TRPM3: variants seen among roughly 807,000 people sequenced by gnomAD.
TRPM3 encodes the protein long transient receptor potential channel 3.
TRPM3 carries 77 observed loss-of-function variants against 181.2 expected under a neutral mutation model. The ratio of observed to expected loss-of-function variants is 0.42; its 90% CI spans 0.35 to 0.51. The LOEUF is 0.51. TRPM3 is among the 20% of genes least tolerant of loss of function. TRPM3 has a pLI of 0.01. For synonymous variants in TRPM3, 745 were observed against 796.4 expected, an observed-to-expected ratio of 0.94 and a Z score of 1.09; for missense variants, 1,759 against 2,196.7, an observed-to-expected ratio of 0.80 and a Z score of 3.98.
At chr9:71,103,094 G>T (rs2068707448) in intron 1 of TRPM3, among the ~76,000 whole-genome samples, 1 of 151,918 alleles carries the variant, frequency 6.6e-6, no homozygotes, top group South Asian at 2.1e-4. Flanking sequence ...AATCCTTTTT[G>T]GCATAAGATT....
intron 1 of TRPM3, among the ~76,000 whole-genome samples, chr9:71,231,734 C>CAG: frequency 6.6e-6 from 1 of 152,110 alleles, no homozygotes; most frequent in Non-Finnish European, 1.5e-5. Context: ...AACACTGGGT[C>CAG]AACACGGACA....
chr9:71,373,558 C>T (rs1053239511), intron 1 of TRPM3, among the ~76,000 whole-genome samples: 7 of 152,128 alleles, frequency 4.6e-5, no homozygotes, highest in African/African-American at 1.7e-4. Flanking sequence ...GACGCATACA[C>T]CCTCCCATGA....
chr9:70,658,241 T>G (rs2060637739), intron 9 of TRPM3, among the ~76,000 whole-genome samples: 1 of 152,148 alleles, frequency 6.6e-6, no homozygotes, highest in African/African-American at 2.4e-5. Context: ...AATCCTTGAG[T>G]TATCACTTTG....
Position 71,113,258 on chromosome 9 carries a change from G to C in TRPM3, c.177+7920C>G, listed in dbSNP as rs546472027. Among the ~76,000 whole-genome samples, 6 of 152,234 alleles carry C rather than the reference G, an allele frequency of 3.9e-5. No homozygotes were observed. The South Asian group carries it at 6.2e-4, about 16-fold the overall frequency. On this transcript the variant is annotated intron_variant, in intron 1 of 25. Coordinates refer to ENST00000677713, the MANE Select transcript of TRPM3 (RefSeq NM_001366145.2). ...TTTGGGAACTAGGAATAGACAGAAGGGGGTGGAACAGAGATATATTTATGA... is the reference window on the plus strand; with the variant it reads ...TTTGGGAACTAGGAATAGACAGAAGCGGGTGGAACAGAGATATATTTATGA...
intron 7 of TRPM3, among the ~76,000 whole-genome samples, chr9:70,783,309 A>G (rs1267602121): frequency 6.6e-6 from 1 of 152,116 alleles, no homozygotes; most frequent in Non-Finnish European, 1.5e-5. Context: ...AATTGATTGG[A>G]TTAGGAAGTT....
At position 71,144,755 on chromosome 9, in the gene TRPM3, G is replaced by A. The variant is rs570536991; in HGVS notation, c.184-280244C>T. 5.9e-5 allele frequency among the ~76,000 whole-genome samples: 9 copies of A among 152,280 alleles called. No individual in the cohort carries two copies. The South Asian group carries it at 8.3e-4, about 14-fold the overall frequency. The stretch of plus-strand genomic sequence containing the variant: ...GGCAGTTTAAACTGTGCCCTTTGGC[G>A]ATAAAATGTCATTAAGAGAAAATAT... On this transcript the variant is annotated intron_variant, in intron 1 of 24. Transcript: ENST00000357533.
chr9:71,044,457 T>G (rs1373142948), intron 1 of TRPM3, among the ~76,000 whole-genome samples: 2 of 152,252 alleles, frequency 1.3e-5, no homozygotes, highest in Non-Finnish European at 2.9e-5. Flanking sequence ...AATTTTCTTG[T>G]ATGTTCAGCT....
intron 8 of TRPM3, among the ~76,000 whole-genome samples, chr9:70,757,277 A>G (rs1391879259): frequency 6.6e-6 from 1 of 152,188 alleles, no homozygotes; most frequent in Non-Finnish European, 1.5e-5. Flanking sequence ...TCCCAAGACT[A>G]AACCAGGAAG....
chr9:71,098,696 G>T (rs1458623674), intron 1 of TRPM3, among the ~76,000 whole-genome samples: 2 of 152,102 alleles, frequency 1.3e-5, no homozygotes, highest in Non-Finnish European at 1.5e-5. Flanking sequence ...GACCACACTG[G>T]CCTGGAAGTG....
chr9:70,686,876 A>T (rs1321362240), intron 8 of TRPM3, among the ~76,000 whole-genome samples: 1 of 128,554 alleles, frequency 7.8e-6, no homozygotes, highest in East Asian at 2.3e-4. Context: ...CCCAGGCTGG[A>T]GTGCATGATC....
chr9:70,542,177 G>A (rs2043549690), intron 25 of TRPM3, among the ~76,000 whole-genome samples: 1 of 152,058 alleles, frequency 6.6e-6, no homozygotes, highest in Admixed American at 6.6e-5. Context: ...ACAGGCCTGA[G>A]GTATATACCA....
intron 8 of TRPM3, among the ~76,000 whole-genome samples, chr9:70,752,315 T>C (rs1437240919): frequency 3.9e-5 from 6 of 152,144 alleles, no homozygotes; most frequent in African/African-American, 1.4e-4. Flanking sequence ...TTATGCGACA[T>C]AAGGATGGAC....
At chr9:70,767,170 C>T (rs141987778) in intron 7 of TRPM3, among the ~76,000 whole-genome samples, 251 of 152,276 alleles carry the variant, frequency 1.6e-3, no homozygotes, top group Non-Finnish European at 2.8e-3. Context: ...CTGGTGAGTC[C>T]GGTGGTGTAA....
intron 1 of TRPM3, among the ~76,000 whole-genome samples, chr9:71,304,527 A>G (rs988039720): frequency 2.0e-5 from 3 of 152,218 alleles, no homozygotes; most frequent in African/African-American, 4.8e-5. Context: ...CCTAGCATCT[A>G]TTGTAAGGGT....
At chr9:70,828,817 T>G (rs1396311085) in intron 5 of TRPM3, among the ~76,000 whole-genome samples, 1 of 152,128 alleles carries the variant, frequency 6.6e-6, no homozygotes, top group Non-Finnish European at 1.5e-5. Context: ...GTGTTCATTT[T>G]GTAGGCGAAG....
chr9:70,920,494 A>G (rs905060214), intron 1 of TRPM3, among the ~76,000 whole-genome samples: 1 of 152,166 alleles, frequency 6.6e-6, no homozygotes, highest in African/African-American at 2.4e-5. Context: ...CCTCTACCAA[A>G]CTTCTAATCA....
chr9:71,064,047 G>T (rs139588767), intron 1 of TRPM3, among the ~76,000 whole-genome samples: 24 of 152,228 alleles, frequency 1.6e-4, no homozygotes, highest in African/African-American at 5.5e-4. Flanking sequence ...TGAAACTCAT[G>T]ATATGGAGTT....
At chr9:70,797,610 C>T (rs773963056) in intron 6 of TRPM3, among the ~76,000 whole-genome samples, 1 of 152,180 alleles carries the variant, frequency 6.6e-6, no homozygotes, top group South Asian at 2.1e-4. Context: ...TTAAACTTTC[C>T]TTCAGCCACA....
intron 1 of TRPM3, among the ~76,000 whole-genome samples, chr9:71,126,739 T>A (rs1180558471): frequency 1.3e-5 from 2 of 152,182 alleles, no homozygotes; most frequent in African/African-American, 2.4e-5. Context: ...ATAACTACAA[T>A]TGTTATCTAT....
Sources: allele counts gnomAD v4.1 joint callset (sites outside exome capture counted in the v4.1 genomes callset), GRCh38; gene constraint gnomAD v4.1.1; transcripts MANE v1.5; gene names NCBI Gene and HGNC (gene_info 2026-07-23, HGNC 2026-07-21).